IQCE: variants seen among roughly 807,000 people sequenced by gnomAD.
IQCE encodes the protein IQ domain-containing protein E.
IQCE carries 115 observed loss-of-function variants against 96.0 expected under a neutral mutation model. The ratio of observed to expected loss-of-function variants is 1.20; its 90% CI spans 1.03 to 1.40. The LOEUF (loss-of-function observed/expected upper bound fraction) is 1.40. IQCE is among the 40% of genes most tolerant of loss of function. IQCE has a pLI of 0.00. For synonymous variants in IQCE, 412 were observed against 371.2 expected, an observed-to-expected ratio of 1.11 and a Z score of -1.26; for missense variants, 1,041 against 909.1, an observed-to-expected ratio of 1.15 and a Z score of -1.87.
Position 2,571,576 on chromosome 7 carries a change from A to G in IQCE, c.181A>G (p.Arg61Gly), listed in dbSNP as rs1200238771. 1 of 1,604,698 alleles carries G rather than the reference A, an allele frequency of 6.2e-7. No homozygotes were observed. The highest frequency in any genetic ancestry group is 2.2e-5 in the East Asian group (1 of 44,870). Residue 61 changes from arginine (R) to glycine (G), a missense_variant, in exon 4 of 22, where the codon AGG (arginine) becomes GGG (glycine). Arg to Gly is a moderately radical substitution (Grantham distance 125). Transcript: ENST00000402050. ...PRKVASWRSL[R>G]TAGSMPLGGR... ...AAAAGTGGCCTCCTGGAGGTCCCTCAGGACGGCAGGGAGCATGCCTCTGGG... is the reference window on the plus strand; with the variant it reads ...AAAAGTGGCCTCCTGGAGGTCCCTCGGGACGGCAGGGAGCATGCCTCTGGG...
chr7:2,563,986 G>A (rs1047840858), intron 1 of IQCE, among the ~76,000 whole-genome samples: 1 of 151,802 alleles, frequency 6.6e-6, no homozygotes, highest in African/African-American at 2.4e-5. Context: ...GAGGTGGGCG[G>A]ATCATGAGGT....
intron 13 of IQCE, among the ~76,000 whole-genome samples, chr7:2,588,130 C>T (rs1006103497): frequency 6.6e-6 from 1 of 152,334 alleles, no homozygotes; most frequent in South Asian, 2.1e-4. Flanking sequence ...CCTCACAGTC[C>T]AGCCCGCCTG....
chr7:2,598,579 A>C lies in IQCE; in HGVS notation c.1555A>C (p.Arg519=). ...RPRSPCSDGR[R]DAAARVLQAQ... is the part of the protein sequence containing the mutation. The stretch of plus-strand genomic sequence containing the variant: ...CCGCTCCCCCTGCTCTGATGGGAGA[A>C]GAGACGCCGCGGCCAGAGTCCTGCA... Residue 519 remains arginine (R), a synonymous_variant, in exon 17 of 22, where the codon AGA becomes CGA. Transcript: ENST00000402050. The C allele has an allele frequency of 8.7e-6, 14 of 1,606,120 alleles. No individual in the cohort carries two copies. The highest frequency in any genetic ancestry group is 1.2e-5 in the Non-Finnish European group (14 of 1,176,708).
At chr7:2,600,471 C>T (rs1470854456) in intron 17 of IQCE, among the ~76,000 whole-genome samples, 1 of 152,208 alleles carries the variant, frequency 6.6e-6, no homozygotes, top group Non-Finnish European at 1.5e-5. Flanking sequence ...CACCTTTCCC[C>T]TTGTGGTCTT....
Position 2,568,978 on chromosome 7 carries a change from A to C in IQCE, c.109A>C (p.Lys37Gln), listed in dbSNP as rs938804023. Residue 37 changes from lysine (K) to glutamine (Q), a missense_variant, in exon 3 of 22, where the codon AAA becomes CAA. Coordinates refer to ENST00000402050, the MANE Select transcript of IQCE (RefSeq NM_152558.5). The stretch of plus-strand genomic sequence containing the variant: ...GAAAGCAAAAAGGAAAGCTTTCCAC[A>C]AACCTCCACCCACATCGCCAAGTAA... The part of the protein sequence containing the change: ...ETKAKRKAFH[K>Q]PPPTSPKSPY... 2 of 1,613,848 alleles carry C rather than the reference A, an allele frequency of 1.2e-6. No individual in the cohort carries two copies. The highest frequency in any genetic ancestry group is 2.7e-5 in the African/African-American group (2 of 74,932).
rs1781288467 is a variant in IQCE at position 2,565,254 on chromosome 7, TGC to T, written c.37-1860_37-1859del. 5.6e-5 allele frequency among the ~76,000 whole-genome samples: 8 copies of T among 143,938 alleles called. No homozygotes were observed. In the South Asian group the frequency reaches 1.5e-3, roughly 27 times the overall value. 94.4% of individuals were successfully genotyped at this position (143,938 alleles called of 152,430 possible). ...GTGTGTGTGCGTGTGTGTGTGTGCATGCGTGTGTGTGTGTGCGCTGTGTATGA... is the reference window on the plus strand; with the variant it reads ...GTGTGTGTGCGTGTGTGTGTGTGCATGTGTGTGTGTGTGCGCTGTGTATGA... On this transcript the variant is annotated intron_variant, in intron 1 of 21. Coordinates refer to ENST00000402050, the MANE Select transcript of IQCE (RefSeq NM_152558.5).
At chr7:2,574,377 A>G (rs1187395785) in intron 6 of IQCE, among the ~76,000 whole-genome samples, 3 of 152,216 alleles carry the variant, frequency 2.0e-5, no homozygotes, top group African/African-American at 7.2e-5. Context: ...GGTGTAGACC[A>G]TTATACAAAA....
intron 21 of IQCE, among the ~76,000 whole-genome samples, chr7:2,608,930 C>G (rs978613797): frequency 5.3e-5 from 8 of 152,132 alleles, no homozygotes; most frequent in Non-Finnish European, 8.8e-5. Flanking sequence ...TTGAAAGTTG[C>G]AGGAAAAAAA....
Position 2,605,796 on chromosome 7 carries a change from A to T in IQCE, c.1744-80A>T, listed in dbSNP as rs1229770234. The T allele has an allele frequency of 5.1e-6, 7 of 1,371,104 alleles. No individual in the cohort carries two copies. In the African/African-American group the frequency reaches 1.1e-4, roughly 21 times the overall value. 84.9% of individuals were successfully genotyped at this position (1,371,104 alleles called of 1,614,324 possible). Reference sequence around the variant, plus strand: ...AGCTCTTCCTGTCTCCCTGACGCCCAGGGTGCCCTGGGGGTTGAGTGCTGG... The same window carrying T: ...AGCTCTTCCTGTCTCCCTGACGCCCTGGGTGCCCTGGGGGTTGAGTGCTGG... On this transcript the variant is annotated intron_variant, in intron 19 of 21. Transcript: ENST00000402050.
chr7:2,593,425 T>G (rs1783770547), intron 15 of IQCE, among the ~76,000 whole-genome samples: 1 of 152,228 alleles, frequency 6.6e-6, no homozygotes. Context: ...CACCCAGGTG[T>G]GGGCCACATC....
rs142647635 is a variant in IQCE at position 2,582,151 on chromosome 7, C to T, written c.631-429C>T. ...GGCTCCTCAGGCCCCTACGGCCGCG[C>T]TGTCTCCCACCCTCACTCACTGCCC... is the stretch of plus-strand genomic sequence containing the variant. On this transcript the variant is annotated intron_variant, in intron 8 of 21. Coordinates refer to ENST00000402050, the MANE Select transcript of IQCE (RefSeq NM_152558.5). 349 of 444,548 alleles carry T rather than the reference C, an allele frequency of 7.9e-4. 1 individual carries two copies. Among genetic ancestry groups the T allele is most frequent in the African/African-American group, 6.5e-3 (319 of 49,256 alleles). 27.5% of individuals were successfully genotyped at this position (444,548 alleles called of 1,614,324 possible).
chr7:2,590,007 C>G lies in IQCE; in HGVS notation c.1145C>G (p.Pro382Arg). 1 of 1,613,894 alleles carries G rather than the reference C, an allele frequency of 6.2e-7. No homozygotes were observed. Among genetic ancestry groups the G allele is most frequent in the Non-Finnish European group, 8.5e-7 (1 of 1,180,016 alleles). ...TCCAGCTCTGCGCTGCACAGACAGC[C>G]ACGAGGGGACCGCAACAAGGACCAC... The part of the protein sequence containing the change: ...LASSSALHRQ[P>R]RGDRNKDHER... Residue 382 changes from proline to arginine, a missense_variant, in exon 14 of 22, where the codon CCA becomes CGA. By Grantham distance (103) the Pro-to-Arg change is moderately radical (BLOSUM62 -2). Transcript: ENST00000402050.
At chr7:2,601,519 T>G in intron 18 of IQCE, 55 bp downstream of exon 18, 1 of 1,216,140 alleles carries the variant, frequency 8.2e-7, no homozygotes, top group Non-Finnish European at 1.2e-6. Flanking sequence ...TGTTGAAAAG[T>G]AGGTGAGGGG....
At chr7:2,606,544 C>T (rs1024678996) in intron 20 of IQCE, among the ~76,000 whole-genome samples, 7 of 152,126 alleles carry the variant, frequency 4.6e-5, no homozygotes, top group African/African-American at 1.4e-4. Flanking sequence ...GCTCCGTCAC[C>T]CCCGTCTGCT....
chr7:2,560,348 G>A (rs1019233187), intron 1 of IQCE, among the ~76,000 whole-genome samples: 57 of 152,358 alleles, frequency 3.7e-4, no homozygotes, highest in Non-Finnish European at 7.2e-4. Context: ...CAGGGAATTT[G>A]GATTTTATTG....
At chr7:2,570,203 C>G (rs1156979635) in intron 3 of IQCE, among the ~76,000 whole-genome samples, 2 of 152,226 alleles carry the variant, frequency 1.3e-5, no homozygotes, top group East Asian at 3.9e-4. Context: ...TGATGTTTTC[C>G]TGCTTTCCGA....
At chr7:2,607,681 G>GA (rs397800345) in intron 21 of IQCE, 3 of 435,400 alleles carry the variant, frequency 6.9e-6, no homozygotes, top group Non-Finnish European at 9.5e-6. Context: ...GCCCCAGCAG[G>GA]CCCTGCCTTT....
Position 2,590,032 on chromosome 7 carries a change from C to T in IQCE, c.1170C>T (p.His390=), listed in dbSNP as rs775167020. ...CACGAGGGGACCGCAACAAGGACCA[C>T]GAGCGTCTCCGAGGGGCTGTGAGAG... ...RQPRGDRNKD[H]ERLRGAVRDL... The change falls in exon 14 of 22, where the codon CAC becomes CAT. Residue 390 remains histidine (H), a synonymous_variant. Coordinates refer to ENST00000402050, the MANE Select transcript of IQCE (RefSeq NM_152558.5). 2.8e-5 allele frequency: 45 copies of T among 1,613,570 alleles called. No individual in the cohort carries two copies. The highest frequency in any genetic ancestry group is 2.3e-4 in the Admixed American group (14 of 59,994).
intron 20 of IQCE, among the ~76,000 whole-genome samples, chr7:2,606,901 C>T (rs1177223703): frequency 2.0e-5 from 3 of 152,262 alleles, no homozygotes; most frequent in Admixed American, 1.3e-4. Flanking sequence ...GCATGGTCCC[C>T]GAGGAGATGG....
Sources: allele counts gnomAD v4.1 joint callset (sites outside exome capture counted in the v4.1 genomes callset), GRCh38; gene constraint gnomAD v4.1.1; transcripts MANE v1.5; gene names NCBI Gene and HGNC (gene_info 2026-07-23, HGNC 2026-07-21).